SMTN: variants seen among roughly 807,000 people sequenced by gnomAD.
SMTN encodes smoothelin.
In SMTN, 58 loss-of-function variants were observed where a neutral mutation model predicts 102.0. The ratio of observed to expected loss-of-function variants is 0.57; its 90% confidence interval spans 0.46 to 0.71. The LOEUF (loss-of-function observed/expected upper bound fraction) is 0.71. Ranked by LOEUF, SMTN falls within the 30% of genes least tolerant of loss-of-function variation. SMTN has a pLI of 0.00. For synonymous variants in SMTN, 478 were observed against 497.9 expected, an observed-to-expected ratio of 0.96 and a Z score of 0.53; for missense variants, 1,185 against 1,241.7, an observed-to-expected ratio of 0.95 and a Z score of 0.69.
Position 31,088,601 on chromosome 22 carries a change from G to A in SMTN, c.289G>A (p.Ala97Thr), listed in dbSNP as rs778848759. 1.7e-5 allele frequency: 27 copies of A among 1,613,598 alleles called. No individual in the cohort carries two copies. Among genetic ancestry groups the A allele is most frequent in the Non-Finnish European group, 2.3e-5 (27 of 1,179,704 alleles). Residue 97 changes from alanine (A) to threonine (T), a missense_variant, in exon 4 of 21, where the codon GCA becomes ACA. Ala to Thr is a moderately conservative substitution (Grantham distance 58). This residue lies in a region of SMTN where 1,096 missense variants were observed against 1,112.7 expected (regional missense o/e 0.98). Transcript: ENST00000333137. ...ESMNDVEELT[A>T]LLRSAGEYEE... ...CATGAACGATGTGGAGGAATTGACT[G>A]CACTGGTGAGGCCCAGGCTGGGGCA...
At chr22:31,069,335 G>A (rs1374057995) in intron 1 of SMTN, among the ~76,000 whole-genome samples, 3 of 152,066 alleles carry the variant, frequency 2.0e-5, no homozygotes, top group African/African-American at 4.8e-5. Context: ...TAGAGCGACC[G>A]TTCCCCACCT....
In SMTN at chr22:31,091,773, C is replaced by A. The variant is rs767275801; in HGVS notation, c.1558C>A (p.Arg520=). The change falls in exon 11 of 21, where the codon CGG becomes AGG. Residue 520 remains arginine (R), a synonymous_variant. Transcript: ENST00000333137. ...TGTCAACAGCCCTGGGACCCTGGCT[C>A]GGCTGGGCAGTGTCACTCATGTCAC... ...TRVNSPGTLA[R]LGSVTHVTSF... 1.4e-5 allele frequency: 22 copies of A among 1,610,576 alleles called. No homozygotes were observed. Among genetic ancestry groups the A allele is most frequent in the Non-Finnish European group, 1.9e-5 (22 of 1,178,444 alleles).
At chr22:31,089,021 G>A (rs1211876129) in intron 6 of SMTN, 52 bp downstream of exon 6, 2 of 1,433,814 alleles carry the variant, frequency 1.4e-6, no homozygotes, top group Admixed American at 3.4e-5. Context: ...GATACCGGTA[G>A]CACAGAGTGC....
chr22:31,093,436 C>A (rs1055865478), intron 11 of SMTN: 2 of 514,274 alleles, frequency 3.9e-6, no homozygotes, highest in African/African-American at 3.8e-5. Context: ...CCATAGAGTC[C>A]CCACCAGCAC....
At chr22:31,080,723 G>A (rs367826524), upstream of SMTN, 1 of 152,304 alleles carries the variant, frequency 6.6e-6, no homozygotes, top group African/African-American at 2.4e-5. Flanking sequence ...GAAGGTAGAA[G>A]CATGCTACAA....
At chr22:31,076,457 C>T (rs547402654), upstream of SMTN, among the ~76,000 whole-genome samples, 1 of 152,340 alleles carries the variant, frequency 6.6e-6, no homozygotes, top group East Asian at 1.9e-4. Context: ...GCAGTGTCAA[C>T]TTGGACAAAT....
chr22:31,078,634 T>C (rs940286796), upstream of SMTN, among the ~76,000 whole-genome samples: 19 of 152,374 alleles, frequency 1.2e-4, no homozygotes, highest in African/African-American at 4.6e-4. Context: ...ATCCTCCTCC[T>C]TTTCCCAGAC....
In SMTN at chr22:31,095,387, G is replaced by A; in HGVS notation, c.1717G>A (p.Glu573Lys). Residue 573 changes from glutamate to lysine, a missense_variant, in exon 12 of 21, where the codon GAA becomes AAA. Coordinates refer to ENST00000333137, the MANE Select transcript of SMTN (RefSeq NM_134269.3). The surrounding 1 kb of genome is among the most constrained non-coding windows in gnomAD (Gnocchi z 4.1). ...AEQTRVNKAPEGRSPLSAEEL... is the reference protein window; with the variant it reads ...AEQTRVNKAPKGRSPLSAEEL... ...GCAGACCCGAGTGAACAAAGCACCA[G>A]AAGGGCGGAGCCCTCTGAGCGCTGA... 6.2e-7 allele frequency: 1 copy of A among 1,614,256 alleles called. No homozygotes were observed. The highest frequency in any genetic ancestry group is 8.5e-7 in the Non-Finnish European group (1 of 1,180,040).
At chr22:31,091,944 A>G in intron 11 of SMTN, 97 bp downstream of exon 11, 1 of 1,169,898 alleles carries the variant, frequency 8.5e-7, no homozygotes, top group Admixed American at 2.8e-5. Context: ...CTCCTCCCCT[A>G]CTGCACACAC....
intron 16 of SMTN, among the ~76,000 whole-genome samples, chr22:31,098,363 T>C (rs577086030): frequency 6.6e-6 from 1 of 152,154 alleles, no homozygotes; most frequent in South Asian, 2.1e-4. Flanking sequence ...TCATCATTTT[T>C]ATTATCGGAT....
chr22:31,087,337 TA>T (rs1472290585), intron 2 of SMTN: 1 of 152,294 alleles, frequency 6.6e-6, no homozygotes, highest in African/African-American at 2.4e-5. Context: ...CCAGCCACCT[TA>T]TATGTCTGGG....
chr22:31,101,157 A>G (rs1386689191), intron 20 of SMTN, 108 bp downstream of exon 20: 2 of 1,065,316 alleles, frequency 1.9e-6, no homozygotes, highest in Non-Finnish European at 2.7e-6. Flanking sequence ...GCATTTAGTC[A>G]AGCCAGAGGA....
At chr22:31,080,061 C>T (rs1270123986), upstream of SMTN, among the ~76,000 whole-genome samples, 1 of 152,218 alleles carries the variant, frequency 6.6e-6, no homozygotes, top group African/African-American at 2.4e-5. Flanking sequence ...CCGCACCTGG[C>T]CCGTGCCTTG....
At position 31,095,892 on chromosome 22, in the gene SMTN, C is replaced by T; in HGVS notation, c.1861+283C>T. On this transcript the variant is annotated intron_variant, in intron 13 of 20. Transcript: ENST00000333137. This position sits in a 1 kb window ranked among gnomAD's most constrained non-coding sequence, Gnocchi z 4.1. ...CCCGCAGCTACTCTCTCCTTGGATC[C>T]AGTTGCCTCTCAAAGTACTGTCAAC... 1 of 507,852 alleles carries T rather than the reference C, an allele frequency of 2.0e-6. No homozygotes were observed. Among genetic ancestry groups the T allele is most frequent in the South Asian group, 2.2e-5 (1 of 44,952 alleles). 31.5% of individuals were successfully genotyped at this position (507,852 alleles called of 1,614,324 possible).
At chr22:31,094,520 T>G (rs931268675) in intron 11 of SMTN, among the ~76,000 whole-genome samples, 1 of 152,176 alleles carries the variant, frequency 6.6e-6, no homozygotes, top group East Asian at 1.9e-4. Flanking sequence ...AGAGCCTGCC[T>G]GGGAGGGGGC....
chr22:31,085,117 C>T lies in SMTN; in HGVS notation c.51+1808C>T, dbSNP rs1387068068. The T allele has an allele frequency of 9.8e-6, 15 of 1,535,418 alleles. No individual in the cohort carries two copies. The African/African-American group carries it at 1.1e-4, about 11-fold the overall frequency. On this transcript the variant is annotated intron_variant, in intron 2 of 20. Transcript: ENST00000333137. ...CTGGGGACTTGCACGCCGCGTGCCCCTCCACCACCCGCCGGGACGCCCTCT... is the reference window on the plus strand; with the variant it reads ...CTGGGGACTTGCACGCCGCGTGCCCTTCCACCACCCGCCGGGACGCCCTCT...
At position 31,098,589 on chromosome 22, in the gene SMTN, CT is replaced by C. The variant is rs2043796440; in HGVS notation, c.2160-77del. 73 of 1,269,800 alleles carry C rather than the reference CT, an allele frequency of 5.7e-5. No homozygotes were observed. In the South Asian group the frequency reaches 8.3e-4, roughly 14 times the overall value. 78.7% of individuals were successfully genotyped at this position (1,269,800 alleles called of 1,614,324 possible). A position where few individuals can be genotyped will look rare whatever the true frequency, so the allele number is the denominator to read the frequency against. On this transcript the variant is annotated intron_variant, in intron 16 of 20. Coordinates refer to ENST00000333137, the MANE Select transcript of SMTN (RefSeq NM_134269.3). ...ATACTAGTGTGCTACAAGACCCCCC[CT>C]CCTCCTCGCGAGTGGTGGTCCAGGC...
chr22:31,101,129 G>A, intron 20 of SMTN, 80 bp downstream of exon 20: 2 of 1,342,244 alleles, frequency 1.5e-6, no homozygotes, highest in Non-Finnish European at 1.0e-6. Flanking sequence ...AGGGAGGCGG[G>A]TGGGGGAAGT....
At chr22:31,098,594 C>T (rs2043797168) in intron 16 of SMTN, 73 bp from the exon 17 acceptor site, 1 of 1,488,104 alleles carries the variant, frequency 6.7e-7, no homozygotes, top group Non-Finnish European at 9.2e-7. Context: ...CCCCCCTCCT[C>T]CTCGCGAGTG....
Sources: gnomAD v4.1 joint callset for allele counts (sites outside exome capture counted in the v4.1 genomes callset) on GRCh38, gnomAD v4.1.1 for gene constraint, gnomAD v4.1.1 regional missense constraint, Gnocchi (gnomAD v3.1) non-coding constraint, MANE v1.5 for transcripts, NCBI Gene and HGNC (gene_info 2026-07-23, HGNC 2026-07-21) for gene names.